DGKA: variants seen among roughly 807,000 people sequenced by gnomAD.
DGKA encodes the protein 80 kDa diacylglycerol kinase.
A neutral mutation model predicts 105.0 loss-of-function variants in DGKA; 35 were observed. That is an observed-to-expected ratio of 0.33 (90% CI 0.25 to 0.44). The LOEUF (loss-of-function observed/expected upper bound fraction) is 0.44. Among genes scored for constraint, DGKA ranks in the 20% least tolerant of loss-of-function variants. The probability of loss-of-function intolerance (pLI) is 1.00; values close to 1 mark genes in which losing one functional copy is unlikely to be tolerated. For synonymous variants in DGKA, 296 were observed against 332.0 expected, an observed-to-expected ratio of 0.89 and a Z score of 1.18; for missense variants, 665 against 915.0, an observed-to-expected ratio of 0.73 and a Z score of 3.53.
chr12:55,936,344 A>G, intron 1 of DGKA, 79 bp from the exon 2 acceptor site: 2 of 1,405,360 alleles, frequency 1.4e-6, no homozygotes, highest in Admixed American at 2.9e-5. Context: ...GTGGGAGTAG[A>G]GACAGAATGG....
chr12:55,951,969 GAA>G, intron 18 of DGKA, 64 bp from the exon 19 acceptor site: 1 of 1,593,448 alleles, frequency 6.3e-7, no homozygotes, highest in Non-Finnish European at 8.6e-7. Flanking sequence ...GGGGACTTGG[GAA>G]AGAGGGGAGA....
At chr12:55,944,182 C>T (rs1018538598) in intron 17 of DGKA, among the ~76,000 whole-genome samples, 1 of 152,132 alleles carries the variant, frequency 6.6e-6, no homozygotes, top group South Asian at 2.1e-4. Flanking sequence ...CACCTGTAGT[C>T]CCAACAACTC....
Position 55,953,368 on chromosome 12 carries a change from C to T in DGKA, c.2082C>T (p.Pro694=), listed in dbSNP as rs1888549847. ...EITFHTTKTL[P]MQIDGEPWMQ... ...CCTATAGCACCACAAAAACCCTTCC[C>T]ATGCAAATTGACGGAGAACCCTGGA... The change falls in exon 23 of 24, where the codon CCC becomes CCT. Residue 694 remains proline (P), a synonymous_variant. Transcript: ENST00000331886. 3 of 1,613,986 alleles carry T rather than the reference C, an allele frequency of 1.9e-6. No individual in the cohort carries two copies. Among genetic ancestry groups the T allele is most frequent in the African/African-American group, 1.3e-5 (1 of 74,868 alleles).
chr12:55,951,800 C>T lies in DGKA; in HGVS notation c.1587+17C>T. 3 of 1,609,922 alleles carry T rather than the reference C, an allele frequency of 1.9e-6. No homozygotes were observed. Among genetic ancestry groups the T allele is most frequent in the Non-Finnish European group, 2.5e-6 (3 of 1,177,924 alleles). ...ATTGGCGTGGTCAGTGGAATGGGGCCTGGGGAGAAGGGAGAAAGGGGGGGC... is the reference window on the plus strand; with the variant it reads ...ATTGGCGTGGTCAGTGGAATGGGGCTTGGGGAGAAGGGAGAAAGGGGGGGC... On this transcript the variant is annotated intron_variant, in intron 18 of 23. Transcript: ENST00000331886.
intron 17 of DGKA, chr12:55,943,522 CA>C (rs1324035785): frequency 2.6e-5 from 4 of 152,160 alleles, no homozygotes; most frequent in Non-Finnish European, 4.4e-5. Flanking sequence ...GTGATCTGCC[CA>C]CCTAGGCTTC....
chr12:55,928,065 C>T (rs952466962), upstream of DGKA, among the ~76,000 whole-genome samples: 1 of 152,194 alleles, frequency 6.6e-6, no homozygotes, highest in Non-Finnish European at 1.5e-5. Flanking sequence ...TGCGCCGTAC[C>T]TCCCTATTCT....
chr12:55,936,005 C>CGA, intron 1 of DGKA: 3 of 989,770 alleles, frequency 3.0e-6, no homozygotes, highest in Non-Finnish European at 2.4e-6. Context: ...GCCGAAGACC[C>CGA]GAGATGGGAG....
At chr12:55,928,537 G>T (rs1223091485), upstream of DGKA, among the ~76,000 whole-genome samples, 1 of 151,884 alleles carries the variant, frequency 6.6e-6, no homozygotes, top group East Asian at 1.9e-4. Context: ...AATTAGCCGG[G>T]CGTGGTGGCG....
At chr12:55,947,788 T>G (rs577989457) in intron 17 of DGKA, among the ~76,000 whole-genome samples, 34 of 152,194 alleles carry the variant, frequency 2.2e-4, no homozygotes, top group African/African-American at 7.9e-4. Flanking sequence ...ACATTTTTAT[T>G]TTATTTTATT....
chr12:55,937,807 A>C (rs933557421), intron 4 of DGKA, among the ~76,000 whole-genome samples, 171 bp from the exon 5 acceptor site: 11 of 152,086 alleles, frequency 7.2e-5, no homozygotes, highest in Non-Finnish European at 1.5e-4. Flanking sequence ...AGGTGCAGTG[A>C]GCAGTAATCA....
chr12:55,928,617 C>T (rs1426993104), upstream of DGKA, among the ~76,000 whole-genome samples: 1 of 119,360 alleles, frequency 8.4e-6, no homozygotes. Flanking sequence ...GCGGAGGTTG[C>T]AGTGAGCCAA....
Position 55,952,155 on chromosome 12 carries a change from A to G in DGKA, c.1652+56A>G. On this transcript the variant is annotated intron_variant, in intron 19 of 23. Transcript: ENST00000331886. The surrounding 1 kb of genome is among the most constrained non-coding windows in gnomAD (Gnocchi z 5.1). ...ACACAGTGTCAGGAGCCAGGTTTTG[A>G]CCAAGTTTGACTCAGATTGCTCAGA... 1 of 1,607,618 alleles carries G rather than the reference A, an allele frequency of 6.2e-7. No individual in the cohort carries two copies. The highest frequency in any genetic ancestry group is 8.5e-7 in the Non-Finnish European group (1 of 1,174,364).
chr12:55,953,644 G>C, intron 23 of DGKA, 41 bp from the exon 24 acceptor site: 1 of 1,590,580 alleles, frequency 6.3e-7, no homozygotes, highest in Non-Finnish European at 8.6e-7. Flanking sequence ...CAGCCCCAAA[G>C]TATCAGGTCC....
Position 55,952,321 on chromosome 12 carries a change from T to A in DGKA, c.1653-20T>A. ...GTAACCTGTCCCTCCCTACTGGGCC[T>A]TGTGTTGGGGCTGACACAGAATGAA... is the stretch of plus-strand genomic sequence containing the variant. On this transcript the variant is annotated intron_variant, in intron 19 of 23. Coordinates refer to ENST00000331886, the MANE Select transcript of DGKA (RefSeq NM_001345.5). The surrounding 1 kb of genome is among the most constrained non-coding windows in gnomAD (Gnocchi z 5.1). 1 of 1,613,220 alleles carries A rather than the reference T, an allele frequency of 6.2e-7. No individual in the cohort carries two copies. The highest frequency in any genetic ancestry group is 8.5e-7 in the Non-Finnish European group (1 of 1,179,176).
intron 17 of DGKA, among the ~76,000 whole-genome samples, chr12:55,947,535 A>G (rs916193641): frequency 6.6e-6 from 1 of 152,180 alleles, no homozygotes; most frequent in Admixed American, 6.6e-5. Flanking sequence ...CATATTGATT[A>G]TCATTATATT....
In DGKA at chr12:55,939,786, A is replaced by G. The variant is rs145812500; in HGVS notation, c.709+257A>G. On this transcript the variant is annotated intron_variant, in intron 9 of 23. Coordinates refer to ENST00000331886, the MANE Select transcript of DGKA (RefSeq NM_001345.5). ...CATGCACATACTATAAAATGCAATAAAAAATATCTATTATGATTACTGTTG... is the reference window on the plus strand; with the variant it reads ...CATGCACATACTATAAAATGCAATAGAAAATATCTATTATGATTACTGTTG... 9.9e-5 allele frequency: 58 copies of G among 587,578 alleles called. No individual in the cohort carries two copies. The African/African-American group carries it at 1.1e-3, about 11-fold the overall frequency. The allele number at this position is 587,578 out of a possible 1,614,324, so 36.4% of individuals were successfully genotyped here. A position where few individuals can be genotyped will look rare whatever the true frequency, so the allele number is the denominator to read the frequency against.
chr12:55,940,769 A>G lies in DGKA; in HGVS notation c.1017+47A>G. ...GGGAGGGGACAGGAGTGCCTCCCCG[A>G]TTTCCCACACGCACAGAGTGGCATT... On this transcript the variant is annotated intron_variant, in intron 12 of 23. Coordinates refer to ENST00000331886, the MANE Select transcript of DGKA (RefSeq NM_001345.5). The surrounding 1 kb of genome is among the most constrained non-coding windows in gnomAD (Gnocchi z 4.3). 6.2e-7 allele frequency: 1 copy of G among 1,606,458 alleles called. No homozygotes were observed. Among genetic ancestry groups the G allele is most frequent in the Non-Finnish European group, 8.5e-7 (1 of 1,173,366 alleles).
intron 6 of DGKA, 25 bp downstream of exon 6, chr12:55,938,585 G>T (rs1885248373): frequency 6.2e-7 from 1 of 1,613,840 alleles, no homozygotes. Flanking sequence ...CTGTATGCTG[G>T]GCAAGGGAAT....
At chr12:55,935,758 C>T (rs745724388) in intron 1 of DGKA, 8 of 490,104 alleles carry the variant, frequency 1.6e-5, no homozygotes, top group Non-Finnish European at 2.1e-5. Flanking sequence ...CCACCCTTCC[C>T]TAGTGGAGCT....
Sources: gnomAD v4.1 joint callset for allele counts (sites outside exome capture counted in the v4.1 genomes callset) on GRCh38, gnomAD v4.1.1 for gene constraint, Gnocchi (gnomAD v3.1) non-coding constraint, MANE v1.5 for transcripts, NCBI Gene and HGNC (gene_info 2026-07-23, HGNC 2026-07-21) for gene names.